Variants in SLCO1A2 observed in about 807,000 individuals in gnomAD.
SLCO1A2 encodes the protein OATP-1.
SLCO1A2 carries 67 observed loss-of-function variants against 69.0 expected under a neutral mutation model. The ratio of observed to expected loss-of-function variants is 0.97; its 90% CI spans 0.80 to 1.19. The LOEUF (loss-of-function observed/expected upper bound fraction) is 1.19. SLCO1A2 is among the 50% of genes most tolerant of loss of function. The pLI is 0.00. For synonymous variants in SLCO1A2, 260 were observed against 265.9 expected (o/e 0.98, Z 0.22); for missense variants, 787 against 793.7 (o/e 0.99, Z 0.10).
At chr12:21,404,272 G>C (rs1047860609) in intron 1 of SLCO1A2, among the ~76,000 whole-genome samples, 2 of 152,038 alleles carry the variant, frequency 1.3e-5, no homozygotes, top group African/African-American at 4.8e-5. Context: ...TACATGTGCA[G>C]GGCATGCAGG....
chr12:21,357,241 C>A (rs555367828), intron 2 of SLCO1A2, among the ~76,000 whole-genome samples: 121 of 152,064 alleles, frequency 8.0e-4, no homozygotes, highest in Admixed American at 2.8e-3. Context: ...TACTTTGAGA[C>A]CCTAGTATAA....
At chr12:21,274,863 G>T in intron 13 of SLCO1A2, 1 of 963,298 alleles carries the variant, frequency 1.0e-6, no homozygotes, top group Non-Finnish European at 1.3e-6. Flanking sequence ...AAATGTTTTG[G>T]GCCAGTTATA....
intron 1 of SLCO1A2, among the ~76,000 whole-genome samples, chr12:21,407,904 CA>C (rs1458724449): frequency 6.6e-6 from 1 of 151,656 alleles, no homozygotes; most frequent in African/African-American, 2.4e-5. Flanking sequence ...ATCGCTACTG[CA>C]AAAGCCCAGG....
intron 12 of SLCO1A2, among the ~76,000 whole-genome samples, chr12:21,290,857 G>A (rs887167349): frequency 6.6e-6 from 1 of 152,090 alleles, no homozygotes; most frequent in Non-Finnish European, 1.5e-5. Context: ...AAATGGCACT[G>A]TAAAAGTTAA....
At chr12:21,301,128 T>A in intron 7 of SLCO1A2, 43 bp downstream of exon 7, 1 of 1,260,070 alleles carries the variant, frequency 7.9e-7, no homozygotes, top group Non-Finnish European at 1.1e-6. Flanking sequence ...CTGAGATGCT[T>A]TGTATAGTCT....
upstream of SLCO1A2, among the ~76,000 whole-genome samples, chr12:21,395,666 C>A (rs1249690408): frequency 6.6e-6 from 1 of 152,236 alleles, no homozygotes; most frequent in Non-Finnish European, 1.5e-5. Flanking sequence ...CAGCACGCAG[C>A]TGGACATCTG....
intron 12 of SLCO1A2, among the ~76,000 whole-genome samples, chr12:21,276,747 G>A (rs1025398502): frequency 5.3e-5 from 8 of 152,172 alleles, no homozygotes; most frequent in African/African-American, 1.7e-4. Context: ...GAGGGAGAAT[G>A]CAGTGATTCT....
intron 6 of SLCO1A2, among the ~76,000 whole-genome samples, chr12:21,303,568 A>G (rs1449203698): frequency 6.6e-6 from 1 of 152,140 alleles, no homozygotes; most frequent in East Asian, 1.9e-4. Flanking sequence ...TAATGGCAAA[A>G]TGTCCCTATA....
chr12:21,305,942 G>A (rs1387369746), intron 5 of SLCO1A2, among the ~76,000 whole-genome samples: 2 of 152,176 alleles, frequency 1.3e-5, no homozygotes, highest in African/African-American at 4.8e-5. Flanking sequence ...AGTATAACCA[G>A]AAGATTATAC....
At chr12:21,272,071 T>C (rs1160814382) in intron 14 of SLCO1A2, among the ~76,000 whole-genome samples, 1 of 151,468 alleles carries the variant, frequency 6.6e-6, no homozygotes, top group East Asian at 1.9e-4. Context: ...TTCAAACATT[T>C]GGGGTTTGGG....
intron 2 of SLCO1A2, among the ~76,000 whole-genome samples, chr12:21,360,904 G>A (rs1334308652): frequency 6.6e-6 from 1 of 152,144 alleles, no homozygotes; most frequent in Non-Finnish European, 1.5e-5. Context: ...GAACTCGGTG[G>A]AGCCCACCGC....
At chr12:21,389,829 T>C (rs1299521322) in intron 1 of SLCO1A2, among the ~76,000 whole-genome samples, 1 of 151,234 alleles carries the variant, frequency 6.6e-6, no homozygotes, top group Non-Finnish European at 1.5e-5. Context: ...AGAAAATGAG[T>C]AGGAAAAATA....
chr12:21,324,867 G>C (rs979791799), intron 2 of SLCO1A2: 12 of 152,160 alleles, frequency 7.9e-5, no homozygotes, highest in Admixed American at 2.6e-4. Flanking sequence ...GAAAAAGAAT[G>C]CTCTCTGCTC....
At chr12:21,314,872 C>A (rs540903281) in intron 3 of SLCO1A2, among the ~76,000 whole-genome samples, 191 bp from the exon 4 acceptor site, 2 of 152,208 alleles carry the variant, frequency 1.3e-5, no homozygotes, top group East Asian at 3.9e-4. Flanking sequence ...TTCTGTTTTG[C>A]AATGTAGACA....
intron 2 of SLCO1A2, among the ~76,000 whole-genome samples, chr12:21,369,640 T>A (rs1484087495): frequency 6.6e-6 from 1 of 152,216 alleles, no homozygotes; most frequent in Admixed American, 6.5e-5. Flanking sequence ...TTTCTCCAAC[T>A]GTAGTGTGTA....
upstream of SLCO1A2, among the ~76,000 whole-genome samples, chr12:21,398,166 A>G (rs917096425): frequency 2.1e-4 from 32 of 150,098 alleles, 1 homozygote; most frequent in Non-Finnish European, 4.5e-4. Flanking sequence ...AATCAAATAG[A>G]TGCAATAAAA....
chr12:21,336,248 C>T (rs1369039998), upstream of SLCO1A2, among the ~76,000 whole-genome samples: 1 of 151,998 alleles, frequency 6.6e-6, no homozygotes, highest in African/African-American at 2.4e-5. Context: ...TGCCTTCACT[C>T]TTCTTTGTGG....
chr12:21,318,722 AG>A, intron 3 of SLCO1A2, 59 bp downstream of exon 3: 1 of 1,435,472 alleles, frequency 7.0e-7, no homozygotes, highest in Non-Finnish European at 9.4e-7. Context: ...AATAAAATTC[AG>A]ACTAGCTCCA....
Position 21,361,936 on chromosome 12 carries a change from G to A in SLCO1A2, c.-63+12463C>T, listed in dbSNP as rs147213815. On this transcript the variant is annotated intron_variant, in intron 2 of 15. Transcript: ENST00000307378. ...ACGTCTGATTGGTGTACCTGAAAATGACGGGGAGAATGGAACCAAGTTGGA... is the reference window on the plus strand; with the variant it reads ...ACGTCTGATTGGTGTACCTGAAAATAACGGGGAGAATGGAACCAAGTTGGA... Among the ~76,000 whole-genome samples, 127 of 152,276 alleles carry A rather than the reference G, an allele frequency of 8.3e-4. 1 individual carries two copies. The East Asian group carries it at 0.022, about 26-fold the overall frequency.
Sources: gnomAD v4.1 joint callset for allele counts (sites outside exome capture counted in the v4.1 genomes callset) on GRCh38, gnomAD v4.1.1 for gene constraint, MANE v1.5 for transcripts, NCBI Gene and HGNC (gene_info 2026-07-23, HGNC 2026-07-21) for gene names.